AK5: variants seen among roughly 807,000 people sequenced by gnomAD.
AK5 encodes adenylate kinase 5, also known as adenylate kinase isoenzyme 5.
Under a neutral mutation model 69.5 loss-of-function variants are expected in AK5, and 27 were observed. The observed-to-expected ratio is 0.39, with a 90% confidence interval of 0.29 to 0.54. AK5 has a LOEUF of 0.54. Ranked by LOEUF, AK5 falls within the 20% of genes least tolerant of loss-of-function variation. The pLI, the probability that AK5 is intolerant of heterozygous loss-of-function variation, is 0.71. For missense variants in AK5, 531 were observed against 700.4 expected (o/e 0.76, Z 2.73); for synonymous variants, 260 against 244.4 (o/e 1.06, Z -0.60).
chr1:77,336,122 G>A (rs1299148589), intron 5 of AK5, among the ~76,000 whole-genome samples: 1 of 117,554 alleles, frequency 8.5e-6, no homozygotes, highest in Non-Finnish European at 1.7e-5. Context: ...TCACTCTGTT[G>A]CCAGGCTGGA....
intron 6 of AK5, among the ~76,000 whole-genome samples, chr1:77,361,060 G>T (rs527271752): frequency 1.3e-5 from 2 of 152,224 alleles, no homozygotes; most frequent in South Asian, 4.2e-4. Flanking sequence ...GCCTCCTAAT[G>T]CTCCCTGTCC....
chr1:77,497,635 T>C (rs1656422855), intron 10 of AK5, among the ~76,000 whole-genome samples: 1 of 152,234 alleles, frequency 6.6e-6, no homozygotes. Flanking sequence ...TCACCCAGGC[T>C]GAAGTGCAGT....
At chr1:77,324,286 G>A (rs994642536) in intron 5 of AK5, among the ~76,000 whole-genome samples, 7 of 115,920 alleles carry the variant, frequency 6.0e-5, no homozygotes, top group Admixed American at 2.1e-4. Context: ...TTAATTAAGT[G>A]TGGAACATAT....
intron 8 of AK5, among the ~76,000 whole-genome samples, chr1:77,476,691 G>A (rs531664719): frequency 5.9e-5 from 9 of 152,088 alleles, no homozygotes; most frequent in Non-Finnish European, 1.0e-4. Flanking sequence ...TGGGAAGCCC[G>A]ACCCACCAGG....
At chr1:77,553,471 A>T (rs1054601777) in intron 13 of AK5, among the ~76,000 whole-genome samples, 1 of 152,234 alleles carries the variant, frequency 6.6e-6, no homozygotes, top group Admixed American at 6.5e-5. Flanking sequence ...TAGTGAGAAA[A>T]TTCACATGCA....
chr1:77,349,727 A>C (rs1175893530), intron 6 of AK5: 1 of 152,236 alleles, frequency 6.6e-6, no homozygotes, highest in Non-Finnish European at 1.5e-5. Flanking sequence ...TTAGAAGTGA[A>C]GAAATTATAC....
At chr1:77,286,671 AC>A (rs1658369663) in intron 1 of AK5, among the ~76,000 whole-genome samples, 1 of 151,862 alleles carries the variant, frequency 6.6e-6, no homozygotes, top group African/African-American at 2.4e-5. Context: ...ACATGGTGAA[AC>A]CCTGTCTCTA....
chr1:77,421,456 G>A (rs1650806940), intron 8 of AK5, among the ~76,000 whole-genome samples: 1 of 152,182 alleles, frequency 6.6e-6, no homozygotes, highest in African/African-American at 2.4e-5. Flanking sequence ...CTCAAAATCT[G>A]AGAGCTTTCC....
chr1:77,282,402 A>G (rs769046602), intron 1 of AK5, 29 bp downstream of exon 1: 2 of 1,535,390 alleles, frequency 1.3e-6, no homozygotes, highest in South Asian at 2.5e-5. Context: ...GACGGGCGGT[A>G]GCATCCGGGG....
intron 8 of AK5, among the ~76,000 whole-genome samples, chr1:77,466,368 T>C (rs1215308426): frequency 1.3e-5 from 2 of 152,210 alleles, no homozygotes; most frequent in Non-Finnish European, 1.5e-5. Context: ...ATGTTCAACA[T>C]ACATTTACTT....
At chr1:77,434,988 T>C (rs1651871522) in intron 8 of AK5, among the ~76,000 whole-genome samples, 1 of 152,250 alleles carries the variant, frequency 6.6e-6, no homozygotes, top group African/African-American at 2.4e-5. Flanking sequence ...AAAACCAAGA[T>C]TGCAGAATCA....
chr1:77,533,884 C>CT (rs1351333905), intron 12 of AK5, among the ~76,000 whole-genome samples: 1 of 151,892 alleles, frequency 6.6e-6, no homozygotes, highest in Non-Finnish European at 1.5e-5. Flanking sequence ...TCGCCCTCTG[C>CT]TGGTGAACAA....
At chr1:77,391,086 G>A (rs1466532453) in intron 6 of AK5, among the ~76,000 whole-genome samples, 1 of 152,150 alleles carries the variant, frequency 6.6e-6, no homozygotes, top group African/African-American at 2.4e-5. Flanking sequence ...TCTCTCAGAA[G>A]ACACCTGTCA....
intron 8 of AK5, among the ~76,000 whole-genome samples, chr1:77,456,998 A>T (rs1037096026): frequency 6.6e-6 from 1 of 151,086 alleles, no homozygotes; most frequent in African/African-American, 2.4e-5. Context: ...CTTTCCTCAT[A>T]ATTTTCTGAC....
In AK5 at chr1:77,483,334, T is replaced by G; in HGVS notation, c.1077T>G (p.Asn359Lys). The G allele has an allele frequency of 1.2e-6, 2 of 1,612,556 alleles. No homozygotes were observed. The highest frequency in any genetic ancestry group is 2.2e-5 in the South Asian group (2 of 91,042). ...DYEDQGDDQL[N>K]VFGEDTMGGF... ...TTTAACAGGGTGATGACCAGTTAAA[T>G]GTATTTGGAGAGGACACTATGGGAG... Residue 359 changes from asparagine to lysine, a missense_variant, in exon 9 of 14, where the codon AAT (asparagine) becomes AAG (lysine). Asn to Lys is a moderately conservative substitution (Grantham distance 94). Coordinates refer to ENST00000354567, the MANE Select transcript of AK5 (RefSeq NM_174858.3).
intron 6 of AK5, among the ~76,000 whole-genome samples, chr1:77,352,689 T>C (rs1218964366): frequency 6.6e-6 from 1 of 152,130 alleles, no homozygotes; most frequent in Non-Finnish European, 1.5e-5. Flanking sequence ...ATTGAACAAC[T>C]CCAAGCTGGA....
rs1317774276 is a variant in AK5, at chr1:77,287,083, C to A, written c.203C>A (p.Pro68His). 6.2e-7 allele frequency: 1 copy of A among 1,606,888 alleles called. No individual in the cohort carries two copies. The highest frequency in any genetic ancestry group is 8.5e-7 in the Non-Finnish European group (1 of 1,176,362). ...TFVSQEKKTL[P>H]PLNGGQSRRS... Reference sequence around the variant, plus strand: ...GTAAGCCAGGAAAAGAAGACCTTACCTCCACTAAATGGAGGACAGTCACGG... The same window carrying A: ...GTAAGCCAGGAAAAGAAGACCTTACATCCACTAAATGGAGGACAGTCACGG... Residue 68 changes from proline to histidine, a missense_variant, in exon 2 of 14, where the codon CCT becomes CAT. Transcript: ENST00000354567.
intron 1 of AK5, 45 bp downstream of exon 1, chr1:77,282,418 ATCTCAGG>A: frequency 1.3e-6 from 2 of 1,526,286 alleles, no homozygotes; most frequent in Non-Finnish European, 1.8e-6. Context: ...CGGGGACTGC[ATCTCAGG>A]GGTTCGGGTT....
chr1:77,364,600 C>T (rs1646919591), intron 6 of AK5, among the ~76,000 whole-genome samples: 1 of 152,130 alleles, frequency 6.6e-6, no homozygotes, highest in Non-Finnish European at 1.5e-5. Flanking sequence ...TCAGCTTCCA[C>T]CTATGAGTGA....
Sources: allele counts gnomAD v4.1 joint callset (sites outside exome capture counted in the v4.1 genomes callset), GRCh38; gene constraint gnomAD v4.1.1; transcripts MANE v1.5; gene names NCBI Gene and HGNC (gene_info 2026-07-23, HGNC 2026-07-21).